The following LIMS1 variants were observed in gnomAD, a reference collection of about 807,000 sequenced individuals.
LIMS1 encodes LIM zinc finger domain containing 1, also known as LIM and senescent cell antigen-like-containing domain protein 1.
Under a neutral mutation model 44.1 loss-of-function variants are expected in LIMS1, and 18 were observed. The observed-to-expected ratio is 0.41, with a 90% CI of 0.28 to 0.61. LIMS1 has a LOEUF of 0.61. Among genes scored for constraint, LIMS1 ranks in the 20% least tolerant of loss-of-function variants. The pLI, the probability that LIMS1 is intolerant of heterozygous loss-of-function variation, is 0.32. For synonymous variants in LIMS1, 93 were observed against 149.1 expected (o/e 0.62, Z 2.74); for missense variants, 201 against 422.0 (o/e 0.48, Z 4.59).
intron 2 of LIMS1, among the ~76,000 whole-genome samples, chr2:108,667,963 T>C (rs1691899576): frequency 1.3e-5 from 2 of 152,208 alleles, no homozygotes; most frequent in African/African-American, 2.4e-5. Context: ...TTTTTTATTG[T>C]TTGGGGTTTT....
In LIMS1 at chr2:108,611,948, T is replaced by C. The variant is rs548797740; in HGVS notation, c.33-47657T>C. ...TATATATATACATATATAAAATATA[T>C]ATACATATATTATATATACACATAT... On this transcript the variant is annotated intron_variant, in intron 1 of 9. Coordinates refer to ENST00000544547, the Ensembl canonical transcript of LIMS1. 9.7e-5 allele frequency among the ~76,000 whole-genome samples: 14 copies of C among 144,930 alleles called. No individual in the cohort carries two copies. In the South Asian group the frequency reaches 3.0e-3, roughly 31 times the overall value.
intron 1 of LIMS1, among the ~76,000 whole-genome samples, chr2:108,611,867 A>T: frequency 7.1e-6 from 1 of 140,340 alleles, no homozygotes; most frequent in Non-Finnish European, 1.6e-5. Context: ...ACACATATAT[A>T]TACACATATA....
chr2:108,585,174 C>T (rs915245043), intron 1 of LIMS1, among the ~76,000 whole-genome samples: 3 of 129,524 alleles, frequency 2.3e-5, no homozygotes, highest in African/African-American at 5.8e-5. Flanking sequence ...AAAAAAAAGG[C>T]GGGGCCAGGC....
chr2:108,667,567 T>TATATATATAC (rs1320086287), intron 2 of LIMS1, among the ~76,000 whole-genome samples: 1 of 149,456 alleles, frequency 6.7e-6, no homozygotes, highest in African/African-American at 2.4e-5. Flanking sequence ...TATATATATA[T>TATATATATAC]ATACTGCTGG....
At chr2:108,612,545 G>C (rs1416664390) in intron 1 of LIMS1, among the ~76,000 whole-genome samples, 1 of 151,848 alleles carries the variant, frequency 6.6e-6, no homozygotes, top group African/African-American at 2.4e-5. Context: ...AGTCTTTTGG[G>C]TAATTTGGAC....
intron 1 of LIMS1, among the ~76,000 whole-genome samples, chr2:108,585,553 C>A (rs1384913379): frequency 6.6e-6 from 1 of 152,052 alleles, no homozygotes; most frequent in African/African-American, 2.4e-5. Context: ...GTGCCACTAA[C>A]AGGGAGGAAG....
intron 1 of LIMS1, among the ~76,000 whole-genome samples, chr2:108,558,278 C>G (rs1684992210): frequency 6.7e-6 from 1 of 150,262 alleles, no homozygotes; most frequent in Non-Finnish European, 1.5e-5. Context: ...AGTGCAGTGG[C>G]ACAATCTTGG....
intron 1 of LIMS1, among the ~76,000 whole-genome samples, chr2:108,574,698 C>G (rs1685606867): frequency 6.6e-6 from 1 of 152,134 alleles, no homozygotes; most frequent in Non-Finnish European, 1.5e-5. Flanking sequence ...ATGTGAAGCT[C>G]ACAGATGTTA....
At chr2:108,660,206 A>G (rs535821712) in intron 2 of LIMS1, 124 of 475,602 alleles carry the variant, frequency 2.6e-4, no homozygotes, top group African/African-American at 1.9e-3. Flanking sequence ...CACCCCCTCC[A>G]CAACTTCCCA....
chr2:108,662,923 C>A, intron 2 of LIMS1: 1 of 180,386 alleles, frequency 5.5e-6, no homozygotes, highest in Non-Finnish European at 1.1e-5. Flanking sequence ...GGTCTGTGCA[C>A]TCACTTCCCC....
chr2:108,563,766 G>T (rs948409360), intron 1 of LIMS1, among the ~76,000 whole-genome samples: 6 of 152,094 alleles, frequency 3.9e-5, no homozygotes, highest in Admixed American at 1.3e-4. Flanking sequence ...CTTCAATTTC[G>T]AATGTTCTAG....
chr2:108,662,485 A>C (rs140969317), intron 2 of LIMS1: 2 of 1,359,008 alleles, frequency 1.5e-6, no homozygotes, highest in East Asian at 2.6e-5. Context: ...GAACTAGGCT[A>C]TTCATGGGCT....
At chr2:108,680,092 C>T (rs192065836) in intron 8 of LIMS1, among the ~76,000 whole-genome samples, 207 of 151,918 alleles carry the variant, frequency 1.4e-3, no homozygotes, top group Non-Finnish European at 2.4e-3. Flanking sequence ...AGGTATAGGC[C>T]GGGCGCAGTG....
chr2:108,542,302 C>T (rs1292115081), intron 1 of LIMS1, among the ~76,000 whole-genome samples: 2 of 152,154 alleles, frequency 1.3e-5, no homozygotes, highest in South Asian at 2.1e-4. Flanking sequence ...TTTGGAAACT[C>T]GGTTAGTCAT....
intron 1 of LIMS1, among the ~76,000 whole-genome samples, chr2:108,544,934 A>G (rs1415912051): frequency 1.3e-5 from 2 of 152,254 alleles, no homozygotes; most frequent in Admixed American, 6.5e-5. Flanking sequence ...CTGTTTAAAC[A>G]TAACCTCAGC....
intron 1 of LIMS1, among the ~76,000 whole-genome samples, chr2:108,612,053 C>CACACAT (rs1368462677): frequency 3.9e-4 from 35 of 89,290 alleles, no homozygotes; most frequent in South Asian, 3.8e-4. Flanking sequence ...CACACACACA[C>CACACAT]ATATATATAT....
intron 1 of LIMS1, among the ~76,000 whole-genome samples, chr2:108,637,330 T>C (rs985462090): frequency 1.3e-5 from 2 of 152,206 alleles, no homozygotes; most frequent in Non-Finnish European, 2.9e-5. Context: ...TTCTGTTCTA[T>C]TCTGAAATTC....
chr2:108,623,568 T>C (rs1688383332), intron 1 of LIMS1, among the ~76,000 whole-genome samples: 1 of 152,196 alleles, frequency 6.6e-6, no homozygotes, highest in African/African-American at 2.4e-5. Flanking sequence ...GTGCCTACTA[T>C]TTGCAAAGTA....
intron 1 of LIMS1, among the ~76,000 whole-genome samples, chr2:108,590,544 T>C (rs1313156864): frequency 6.6e-6 from 1 of 152,152 alleles, no homozygotes; most frequent in Non-Finnish European, 1.5e-5. Flanking sequence ...CCATCACAGG[T>C]AGTGTCAAGT....
Sources: allele counts gnomAD v4.1 joint callset (sites outside exome capture counted in the v4.1 genomes callset), GRCh38; gene constraint gnomAD v4.1.1; transcripts MANE v1.5; gene names NCBI Gene and HGNC (gene_info 2026-07-23, HGNC 2026-07-21).